Variants in PRR16 observed in about 807,000 individuals in gnomAD.
PRR16 encodes proline rich 16, also known as protein Largen.
A neutral mutation model predicts 18.2 loss-of-function variants in PRR16; 6 were observed. The ratio of observed to expected loss-of-function variants is 0.33; its 90% CI spans 0.18 to 0.65. The LOEUF (loss-of-function observed/expected upper bound fraction) is 0.65, where lower values mean the gene tolerates loss of function less well. Among genes scored for constraint, PRR16 ranks in the 30% least tolerant of loss-of-function variants. PRR16 has a pLI of 0.74. For synonymous variants in PRR16, 151 were observed against 147.8 expected, an observed-to-expected ratio of 1.02 and a Z score of -0.16; for missense variants, 412 against 376.6, an observed-to-expected ratio of 1.09 and a Z score of -0.78.
the PRR16 span, among the ~76,000 whole-genome samples, chr5:120,789,488 A>ACCAG: frequency 6.6e-6 from 1 of 152,114 alleles, no homozygotes; most frequent in Non-Finnish European, 1.5e-5. Context: ...ACCCTTTTTT[A>ACCAG]ATCTGGTAAT....
At chr5:120,672,182 G>A (rs549564601) in intron 1 of PRR16, among the ~76,000 whole-genome samples, 117 of 151,706 alleles carry the variant, frequency 7.7e-4, no homozygotes, top group African/African-American at 2.6e-3. Context: ...GAAGGCAATC[G>A]GGAAGAGTGC....
chr5:120,579,023 A>C (rs1469373749), intron 1 of PRR16, among the ~76,000 whole-genome samples: 1 of 151,858 alleles, frequency 6.6e-6, no homozygotes, highest in African/African-American at 2.4e-5. Context: ...TTTTTTTCAT[A>C]TATTTGTTGG....
chr5:120,621,452 TC>T (rs1192706490), intron 1 of PRR16, among the ~76,000 whole-genome samples: 1 of 152,094 alleles, frequency 6.6e-6, no homozygotes. Context: ...CAGTCTCTGA[TC>T]CCCCTGTCCA....
chr5:120,546,251 T>C (rs1223358632), intron 1 of PRR16, among the ~76,000 whole-genome samples: 1 of 152,072 alleles, frequency 6.6e-6, no homozygotes, highest in African/African-American at 2.4e-5. Context: ...ACAGTGGGAA[T>C]GGTTATATAC....
At chr5:120,519,651 T>G (rs1168260421) in intron 1 of PRR16, among the ~76,000 whole-genome samples, 3 of 152,272 alleles carry the variant, frequency 2.0e-5, no homozygotes, top group African/African-American at 2.4e-5. Flanking sequence ...TTATTTTCAT[T>G]TATAAACTTA....
At chr5:120,491,462 TCCTTTCCTTTCCTTTCCTTTCTTCCTTC>T (rs1750042005) in intron 1 of PRR16, among the ~76,000 whole-genome samples, 1 of 140,580 alleles carries the variant, frequency 7.1e-6, no homozygotes, top group Non-Finnish European at 1.5e-5. Context: ...TCCTTTCCTT[TCCTTTCCTTTCCTTTCCTTTCTTCCTTC>T]CTTCCTTCCT....
At chr5:120,744,012 GT>G in the PRR16 span, among the ~76,000 whole-genome samples, 1 of 151,728 alleles carries the variant, frequency 6.6e-6, no homozygotes, top group South Asian at 2.1e-4. Context: ...TCTTTCTGTT[GT>G]TTTATAACTT....
the PRR16 span, among the ~76,000 whole-genome samples, chr5:120,699,482 G>A: frequency 6.6e-6 from 1 of 152,120 alleles, no homozygotes; most frequent in African/African-American, 2.4e-5. Flanking sequence ...TTCAAGTCTG[G>A]GCCAGGAACA....
At chr5:120,503,767 C>T (rs961543241) in intron 1 of PRR16, among the ~76,000 whole-genome samples, 10 of 150,068 alleles carry the variant, frequency 6.7e-5, no homozygotes, top group African/African-American at 2.0e-4. Flanking sequence ...TTAGGTATAT[C>T]TCCTAATGCT....
At chr5:120,509,365 G>A (rs994324242) in intron 1 of PRR16, among the ~76,000 whole-genome samples, 8 of 152,038 alleles carry the variant, frequency 5.3e-5, no homozygotes, top group African/African-American at 1.9e-4. Context: ...TAAAAGGATT[G>A]ACTGAGGCCA....
rs144891101 is a variant in PRR16, at chr5:120,611,667, A to G, written c.160-74287A>G. Among the ~76,000 whole-genome samples the G allele has an allele frequency of 3.7e-3, 568 of 152,322 alleles. 4 individuals are homozygous for G. Among genetic ancestry groups the G allele is most frequent in the African/African-American group, 0.013 (544 of 41,558 alleles). ...TTGGGGTCTAGGAACCTCTGCCTAG[A>G]TTTCAGAAGATGTACGGGAATGTCT... On this transcript the variant is annotated intron_variant, in intron 1 of 1. Transcript: ENST00000407149.
the PRR16 span, among the ~76,000 whole-genome samples, chr5:120,756,558 A>AT: frequency 8.6e-5 from 13 of 151,326 alleles, no homozygotes; most frequent in South Asian, 4.2e-4. Context: ...AATGTGGAGC[A>AT]TTTTTTTTCA....
At chr5:120,708,853 C>G in the PRR16 span, among the ~76,000 whole-genome samples, 181 of 151,964 alleles carry the variant, frequency 1.2e-3, no homozygotes, top group African/African-American at 4.3e-3. Flanking sequence ...ACTGGAATCC[C>G]TGGGCCATTC....
At chr5:120,729,053 T>G in the PRR16 span, among the ~76,000 whole-genome samples, 36 of 152,230 alleles carry the variant, frequency 2.4e-4, 1 homozygote, top group Admixed American at 2.3e-3. Flanking sequence ...GGGGTTCTGA[T>G]AGCATATTTT....
intron 1 of PRR16, among the ~76,000 whole-genome samples, chr5:120,473,503 A>G (rs759256420): frequency 2.2e-4 from 34 of 152,278 alleles, no homozygotes; most frequent in Non-Finnish European, 4.6e-4. Context: ...TGACAGTGTT[A>G]TGTGCAGTAT....
chr5:120,665,633 T>G (rs537618451), intron 1 of PRR16, among the ~76,000 whole-genome samples: 14 of 152,244 alleles, frequency 9.2e-5, no homozygotes, highest in African/African-American at 3.1e-4. Context: ...TTAATTTTTG[T>G]GTAAGGTGTA....
the PRR16 span, among the ~76,000 whole-genome samples, chr5:120,712,818 GATA>G: frequency 1.5e-3 from 224 of 152,142 alleles, 1 homozygote; most frequent in Non-Finnish European, 9.3e-4. Flanking sequence ...AAAGTCAATT[GATA>G]ATAAGTGTTG....
chr5:120,601,466 G>A (rs1417728107), intron 1 of PRR16, among the ~76,000 whole-genome samples: 2 of 151,946 alleles, frequency 1.3e-5, no homozygotes, highest in Non-Finnish European at 1.5e-5. Flanking sequence ...TTGATTATTA[G>A]ACCTTTGTCA....
intron 1 of PRR16, among the ~76,000 whole-genome samples, chr5:120,466,610 TG>T (rs1749114226): frequency 6.6e-6 from 1 of 152,174 alleles, no homozygotes; most frequent in African/African-American, 2.4e-5. Context: ...AACCTCCCTG[TG>T]GTTATTGGTT....
Sources: allele counts gnomAD v4.1 joint callset (sites outside exome capture counted in the v4.1 genomes callset), GRCh38; gene constraint gnomAD v4.1.1; transcripts MANE v1.5; gene names NCBI Gene and HGNC (gene_info 2026-07-23, HGNC 2026-07-21).